The following RGS6 variants were observed in gnomAD, a reference collection of about 807,000 sequenced individuals.
RGS6 encodes the protein regulator of G protein signaling 6, also known as regulator of G-protein signaling 6.
Under a neutral mutation model 78.5 loss-of-function variants are expected in RGS6, and 30 were observed. The ratio of observed to expected loss-of-function variants is 0.38; its 90% CI spans 0.29 to 0.52. The LOEUF (loss-of-function observed/expected upper bound fraction) is 0.52, where lower values mean the gene tolerates loss of function less well. Ranked by LOEUF, RGS6 falls within the 20% of genes least tolerant of loss-of-function variation. RGS6 has a pLI of 0.85. For missense variants in RGS6, 495 were observed against 609.7 expected (o/e 0.81, Z 1.98); for synonymous variants, 206 against 206.0 (o/e 1.00, Z 0.00).
chr14:72,522,932 G>T (rs1155432), intron 15 of RGS6, among the ~76,000 whole-genome samples: 2,724 of 152,306 alleles, frequency 0.018, 86 homozygotes, highest in African/African-American at 0.062. Flanking sequence ...GAGGAGACTT[G>T]GTTTTGACGC....
Position 71,932,803 on chromosome 14 carries a change from C to T in RGS6, c.-159C>T, listed in dbSNP as rs1566856207. Reference sequence around the variant, plus strand: ...GGGAGCGGCGCGGAGACGGACTAGACTTCCCCTCCGCCCCCAAGAGGCTGC... The same window carrying T: ...GGGAGCGGCGCGGAGACGGACTAGATTTCCCCTCCGCCCCCAAGAGGCTGC... On this transcript the variant is annotated 5_prime_UTR_variant, in exon 1 of 18. Coordinates refer to ENST00000553525, the MANE Select transcript of RGS6 (RefSeq NM_001204424.2). The T allele has an allele frequency of 1.3e-5, 2 of 152,368 alleles. No homozygotes were observed. The highest frequency in any genetic ancestry group is 4.1e-4 in the South Asian group (2 of 4,828). 9.4% of individuals were successfully genotyped at this position (152,368 alleles called of 1,614,324 possible).
At position 72,414,399 on chromosome 14, in the gene RGS6, G is replaced by A. The variant is rs189789911; in HGVS notation, c.185-40129G>A. Reference sequence around the variant, plus strand: ...GCATTCGTCACATAGTTCTCGTGCCGTGGTTTTCAGCTCCATCAGGTCCTT... The same window carrying A: ...GCATTCGTCACATAGTTCTCGTGCCATGGTTTTCAGCTCCATCAGGTCCTT... On this transcript the variant is annotated intron_variant, in intron 3 of 17. Coordinates refer to ENST00000553525, the MANE Select transcript of RGS6 (RefSeq NM_001204424.2). 7.3e-4 allele frequency among the ~76,000 whole-genome samples: 111 copies of A among 152,256 alleles called. 1 individual carries two copies. In the East Asian group the frequency reaches 0.012, roughly 16 times the overall value.
intron 2 of RGS6, among the ~76,000 whole-genome samples, chr14:72,326,004 G>A (rs181441712): frequency 6.6e-6 from 1 of 152,302 alleles, no homozygotes; most frequent in Non-Finnish European, 1.5e-5. Flanking sequence ...CATGCAACTT[G>A]CATGTATCTC....
At chr14:72,149,266 G>A (rs1359097114) in intron 2 of RGS6, among the ~76,000 whole-genome samples, 1 of 152,186 alleles carries the variant, frequency 6.6e-6, no homozygotes, top group Non-Finnish European at 1.5e-5. Context: ...CCTCGCCTCA[G>A]AAGTCATCTA....
chr14:72,480,582 G>A (rs898046354), intron 12 of RGS6, among the ~76,000 whole-genome samples: 1 of 152,126 alleles, frequency 6.6e-6, no homozygotes, highest in African/African-American at 2.4e-5. Flanking sequence ...TTTCATTAGA[G>A]CCACAAGGAA....
intron 2 of RGS6, among the ~76,000 whole-genome samples, chr14:72,121,155 T>C (rs2190631): frequency 0.79 from 119,694 of 152,062 alleles, 47,407 homozygotes; most frequent in Middle Eastern, 0.83. Context: ...CTGGACATCC[T>C]CTTCCCTGCT....
chr14:71,997,687 ACTGTGCTGAGT>A (rs2082656867), intron 2 of RGS6, among the ~76,000 whole-genome samples: 1 of 152,186 alleles, frequency 6.6e-6, no homozygotes, highest in Admixed American at 6.5e-5. Flanking sequence ...GGTGGGAGGC[ACTGTGCTGAGT>A]CAGAGGCCTG....
At chr14:71,930,187 T>C (rs184177872), upstream of RGS6, among the ~76,000 whole-genome samples, 1 of 152,276 alleles carries the variant, frequency 6.6e-6, no homozygotes, top group East Asian at 1.9e-4. Flanking sequence ...CTATAATCTC[T>C]TTGGATCCAA....
chr14:72,251,811 C>T (rs1467717314), intron 2 of RGS6, among the ~76,000 whole-genome samples: 2 of 152,148 alleles, frequency 1.3e-5, no homozygotes, highest in Non-Finnish European at 2.9e-5. Context: ...CTTAGCTTCA[C>T]ACAATATACC....
chr14:72,400,950 C>T (rs2092325440), intron 3 of RGS6, among the ~76,000 whole-genome samples: 1 of 152,244 alleles, frequency 6.6e-6, no homozygotes, highest in Non-Finnish European at 1.5e-5. Flanking sequence ...CCTTTCTCCA[C>T]TGCTTCTCTG....
chr14:72,239,480 T>G (rs2052162606), intron 2 of RGS6, among the ~76,000 whole-genome samples: 1 of 152,236 alleles, frequency 6.6e-6, no homozygotes, highest in Non-Finnish European at 1.5e-5. Context: ...ATTATCATTT[T>G]TAGAGAGGCA....
intron 2 of RGS6, among the ~76,000 whole-genome samples, chr14:72,037,464 C>T (rs996838826): frequency 2.6e-5 from 4 of 152,156 alleles, no homozygotes; most frequent in African/African-American, 9.7e-5. Flanking sequence ...GGAACAAACT[C>T]CAGACACACC....
intron 2 of RGS6, among the ~76,000 whole-genome samples, chr14:72,307,754 G>GA (rs1299415979): frequency 2.6e-5 from 4 of 152,162 alleles, no homozygotes; most frequent in African/African-American, 9.6e-5. Context: ...ATGACTCCAT[G>GA]AAAAAATTAT....
chr14:72,171,973 C>T (rs1217200202), intron 2 of RGS6, among the ~76,000 whole-genome samples: 1 of 152,156 alleles, frequency 6.6e-6, no homozygotes, highest in East Asian at 1.9e-4. Flanking sequence ...AACCACACTG[C>T]TCTCCTGCAG....
intron 2 of RGS6, among the ~76,000 whole-genome samples, chr14:72,092,235 AGTCTG>A (rs1237164076): frequency 6.6e-6 from 1 of 151,992 alleles, no homozygotes; most frequent in Non-Finnish European, 1.5e-5. Flanking sequence ...CATGTTGGCC[AGTCTG>A]GTCTCAACTC....
At chr14:72,367,285 A>G (rs1451507215) in intron 3 of RGS6, among the ~76,000 whole-genome samples, 1 of 152,096 alleles carries the variant, frequency 6.6e-6, no homozygotes, top group Non-Finnish European at 1.5e-5. Context: ...TGGACTCGGG[A>G]TCCTCTATTT....
chr14:72,291,856 C>G (rs2063634162), intron 2 of RGS6, among the ~76,000 whole-genome samples: 1 of 152,182 alleles, frequency 6.6e-6, no homozygotes, highest in Non-Finnish European at 1.5e-5. Context: ...TAGAAAGTTA[C>G]TAAAAGAAAG....
chr14:72,485,769 C>A (rs2096477301), intron 12 of RGS6, among the ~76,000 whole-genome samples: 1 of 152,206 alleles, frequency 6.6e-6, no homozygotes, highest in Non-Finnish European at 1.5e-5. Flanking sequence ...TGCTACTGAG[C>A]TCAGGAAAAG....
chr14:72,369,907 A>G (rs556083481), intron 3 of RGS6, among the ~76,000 whole-genome samples: 6 of 152,300 alleles, frequency 3.9e-5, no homozygotes, highest in African/African-American at 1.4e-4. Flanking sequence ...CTCTTAAAAT[A>G]TTCACTTCGA....
Sources: allele counts gnomAD v4.1 joint callset (sites outside exome capture counted in the v4.1 genomes callset), GRCh38; gene constraint gnomAD v4.1.1; transcripts MANE v1.5; gene names NCBI Gene and HGNC (gene_info 2026-07-23, HGNC 2026-07-21).